Variants in OFD1 observed in about 807,000 individuals in gnomAD.
OFD1 encodes OFD1 centriole and centriolar satellite protein, also known as centriole and centriolar satellite protein OFD1.
In OFD1, 12 loss-of-function variants were observed where a neutral mutation model predicts 81.4. That is an observed-to-expected ratio of 0.15 (90% confidence interval 0.09 to 0.24). The LOEUF is 0.24. Ranked by LOEUF, OFD1 falls within the 10% of genes least tolerant of loss-of-function variation. The pLI, the probability that OFD1 is intolerant of heterozygous loss-of-function variation, is 1.00. For synonymous variants in OFD1, 256 were observed against 263.7 expected (o/e 0.97, Z 0.28); for missense variants, 685 against 733.9 (o/e 0.93, Z 0.77).
chrX:13,754,432 T>TTTTTTA (rs1195398599), intron 11 of OFD1, among the ~76,000 whole-genome samples: 1 of 105,954 alleles, frequency 9.4e-6, no homozygotes. Flanking sequence ...TTTTTTTTTT[T>TTTTTTA]AAGAGACGGA....
chrX:13,751,606 G>A (rs1048317348), intron 10 of OFD1, among the ~76,000 whole-genome samples: 9 of 111,683 alleles, frequency 8.1e-5, no homozygotes, highest in African/African-American at 2.9e-4. Flanking sequence ...GGCTGAGGTG[G>A]GCGGATCACC....
intron 3 of OFD1, 35 bp from the exon 4 acceptor site, chrX:13,738,811 A>G (rs777434373): frequency 2.0e-5 from 17 of 847,156 alleles, no homozygotes; most frequent in Non-Finnish European, 2.6e-5. Context: ...ACTGATATAA[A>G]AATATGTCTA....
intron 8 of OFD1, 67 bp downstream of exon 8, chrX:13,747,020 A>C (rs997928402): frequency 8.1e-6 from 8 of 990,751 alleles, no homozygotes; most frequent in Non-Finnish European, 8.6e-6. Context: ...CTCGAGATCC[A>C]GCAACAGGAT....
chrX:13,716,458 G>T, the OFD1 span: 1 of 1,117,593 alleles, frequency 8.9e-7, no homozygotes, highest in Non-Finnish European at 1.2e-6. Context: ...TCAGAGCCTG[G>T]CATCTATGTT....
At chrX:13,762,270 A>G (rs1246262357) in intron 17 of OFD1, 74 bp from the exon 18 acceptor site, 21 of 666,229 alleles carry the variant, frequency 3.2e-5, no homozygotes, top group Non-Finnish European at 5.2e-5. Context: ...TTGAGTCACA[A>G]AAGGCTTTTT....
the OFD1 span, among the ~76,000 whole-genome samples, chrX:13,728,813 C>A: frequency 1.8e-5 from 2 of 111,943 alleles, no homozygotes; most frequent in South Asian, 7.4e-4. Flanking sequence ...GTCAAGTTGT[C>A]CCTGTTTGCA....
At chrX:13,749,318 T>A in intron 8 of OFD1, 109 bp from the exon 9 acceptor site, 1 of 507,647 alleles carries the variant, frequency 2.0e-6, no homozygotes, top group Non-Finnish European at 3.6e-6. Flanking sequence ...GAAATTGTTA[T>A]CCTAAATGTC....
In OFD1 at chrX:13,753,450, TG is replaced by T; in HGVS notation, c.1129+15del. On this transcript the variant is annotated intron_variant, in intron 11 of 22. Coordinates refer to ENST00000340096, the MANE Select transcript of OFD1 (RefSeq NM_003611.3). ...TGAAAGGAAGAATAAAGGTGATGTTTGGGGGGAAAATAAGCTGTATTTTTCA... is the reference window on the plus strand; with the variant it reads ...TGAAAGGAAGAATAAAGGTGATGTTTGGGGGAAAATAAGCTGTATTTTTCA... The T allele has an allele frequency of 8.3e-7, 1 of 1,208,065 alleles. No individual in the cohort carries two copies. Among genetic ancestry groups the T allele is most frequent in the Non-Finnish European group, 1.1e-6 (1 of 892,353 alleles).
chrX:13,765,776 C>T (rs183174039), intron 19 of OFD1, among the ~76,000 whole-genome samples: 1 of 111,621 alleles, frequency 9.0e-6, no homozygotes, highest in African/African-American at 3.3e-5. Context: ...GGGACCTGTG[C>T]CAAGATGCAG....
the OFD1 span, chrX:13,716,717 A>G: frequency 8.4e-7 from 1 of 1,196,164 alleles, no homozygotes; most frequent in East Asian, 3.0e-5. Context: ...TAACATTTGC[A>G]TATGGCATCG....
At chrX:13,761,308 A>C in intron 17 of OFD1, 97 bp downstream of exon 17, 1 of 913,888 alleles carries the variant, frequency 1.1e-6, no homozygotes, top group South Asian at 2.1e-5. Context: ...TTTTTGAGAT[A>C]ATTATTATAG....
intron 13 of OFD1, among the ~76,000 whole-genome samples, chrX:13,757,085 AC>A (rs1178782936): frequency 9.0e-6 from 1 of 111,016 alleles, no homozygotes; most frequent in Admixed American, 9.5e-5. Flanking sequence ...CTGCACCACC[AC>A]CCTGTCTCTA....
rs1041207230 is a variant in OFD1 at position 13,753,146 on chromosome X, T to C, written c.1056-222T>C. The C allele has an allele frequency of 1.6e-5, 16 of 1,027,124 alleles. No individual in the cohort carries two copies. In the African/African-American group the frequency reaches 1.7e-4, roughly 11 times the overall value. 84.6% of individuals were successfully genotyped at this position (1,027,124 alleles called of 1,213,427 possible). On this transcript the variant is annotated intron_variant, in intron 10 of 22. Coordinates refer to ENST00000340096, the MANE Select transcript of OFD1 (RefSeq NM_003611.3). Reference sequence around the variant, plus strand: ...TAACACGACGCTTCATTTTGTGTGATTGAGTTTTGGGACCCAGTTTATAGG... The same window carrying C: ...TAACACGACGCTTCATTTTGTGTGACTGAGTTTTGGGACCCAGTTTATAGG...
chrX:13,744,232 G>A (rs1270613836), intron 5 of OFD1, among the ~76,000 whole-genome samples, 183 bp from the exon 6 acceptor site: 1 of 111,435 alleles, frequency 9.0e-6, no homozygotes, highest in Non-Finnish European at 1.9e-5. Context: ...GGTCGAGGCC[G>A]CAGTGAGCCA....
rs1265577723 is a variant in OFD1, at chrX:13,759,855, C to G, written c.1655-260C>G. On this transcript the variant is annotated intron_variant, in intron 15 of 22. Coordinates refer to ENST00000340096, the MANE Select transcript of OFD1 (RefSeq NM_003611.3). ...ATAAATTATGAATAAATTTTCAGTT[C>G]TCAGAGCCTTGTGGCTTTCAAAATT... Among the ~76,000 whole-genome samples, 3 of 112,032 alleles carry G rather than the reference C, an allele frequency of 2.7e-5. No individual in the cohort carries two copies. The East Asian group carries it at 8.4e-4, about 31-fold the overall frequency.
the OFD1 span, chrX:13,719,824 A>G: frequency 1.1e-6 from 1 of 933,561 alleles, no homozygotes; most frequent in Non-Finnish European, 1.5e-6. Flanking sequence ...CAGTTCTAAA[A>G]TCATATTATA....
rs746956954 is a variant in OFD1, at chrX:13,753,344, ATATT to A, written c.1056-21_1056-18del. The A allele has an allele frequency of 4.1e-5, 50 of 1,206,758 alleles. No individual in the cohort carries two copies. The highest frequency in any genetic ancestry group is 5.6e-5 in the Non-Finnish European group (50 of 893,588). On this transcript the variant is annotated intron_variant, in intron 10 of 22. Coordinates refer to ENST00000340096, the MANE Select transcript of OFD1 (RefSeq NM_003611.3). ...TTCCAGAAAAATGCCTGAGGAGCTC[ATATT>A]TAGTCATTCTGATTCTCAGGTATCA...
At chrX:13,750,093 A>G (rs1162082478) in intron 9 of OFD1, among the ~76,000 whole-genome samples, 3 of 112,358 alleles carry the variant, frequency 2.7e-5, no homozygotes, top group African/African-American at 9.7e-5. Context: ...GGAATCTGCT[A>G]TTGACACCCA....
At chrX:13,728,449 C>T in the OFD1 span, among the ~76,000 whole-genome samples, 18 of 111,973 alleles carry the variant, frequency 1.6e-4, no homozygotes, top group African/African-American at 3.9e-4. Flanking sequence ...GTTCAACATA[C>T]GCAAATCGAT....
Sources: allele counts gnomAD v4.1 joint callset (sites outside exome capture counted in the v4.1 genomes callset), GRCh38; gene constraint gnomAD v4.1.1; transcripts MANE v1.5; gene names NCBI Gene and HGNC (gene_info 2026-07-23, HGNC 2026-07-21).